NVL: variants seen among roughly 807,000 people sequenced by gnomAD.
The protein encoded by NVL is nuclear valosin-containing protein-like.
In NVL, 84 loss-of-function variants were observed where a neutral mutation model predicts 110.2. The ratio of observed to expected loss-of-function variants is 0.76; its 90% confidence interval spans 0.64 to 0.91. The LOEUF is 0.91. Among genes scored for constraint, NVL ranks in the 40% least tolerant of loss-of-function variants. The pLI is 0.00. For missense variants in NVL, 882 were observed against 1,035.9 expected (o/e 0.85, Z 2.04); for synonymous variants, 354 against 361.1 (o/e 0.98, Z 0.22).
chr1:224,312,387 T>G (rs557660494), intron 4 of NVL, among the ~76,000 whole-genome samples: 2 of 152,218 alleles, frequency 1.3e-5, no homozygotes, highest in Admixed American at 6.6e-5. Context: ...GCAAATAAAT[T>G]TCCTGTATCA....
At chr1:224,259,299 C>CAG (rs1663675271) in intron 18 of NVL, among the ~76,000 whole-genome samples, 1 of 152,098 alleles carries the variant, frequency 6.6e-6, no homozygotes, top group Non-Finnish European at 1.5e-5. Flanking sequence ...CTGTGTTGGC[C>CAG]AGGCTGGTCT....
At chr1:224,302,936 T>A in intron 9 of NVL, 3 of 317,154 alleles carry the variant, frequency 9.5e-6, no homozygotes, top group South Asian at 4.8e-5. Context: ...GTGTTTCCAG[T>A]TACTCGGGAG....
rs547412778 is a variant in NVL, at chr1:224,288,065, C to G, written c.1576-72G>C. The G allele has an allele frequency of 2.2e-5, 25 of 1,128,434 alleles. No homozygotes were observed. In the East Asian group the frequency reaches 5.9e-4, roughly 27 times the overall value. The allele number at this position is 1,128,434 out of a possible 1,614,324, so 69.9% of individuals were successfully genotyped here. ...AGCTATTGAAAAGTTACATTTTCTA[C>G]TTGTAAAAATTATTACTGTAATATT... is the stretch of plus-strand genomic sequence containing the variant. On this transcript the variant is annotated intron_variant, in intron 13 of 22. Transcript: ENST00000281701.
intron 15 of NVL, among the ~76,000 whole-genome samples, chr1:224,283,290 ATCCTGGCTAATG>A (rs1666553989): frequency 6.6e-6 from 1 of 152,126 alleles, no homozygotes; most frequent in Non-Finnish European, 1.5e-5. Context: ...GATCGAGACC[ATCCTGGCTAATG>A]CGGCAAAACC....
At chr1:224,268,389 A>T (rs1002489782) in intron 17 of NVL, among the ~76,000 whole-genome samples, 1 of 152,176 alleles carries the variant, frequency 6.6e-6, no homozygotes, top group African/African-American at 2.4e-5. Context: ...CACTAGATAA[A>T]GGAAGAAATG....
At chr1:224,281,018 C>G in intron 16 of NVL, 105 bp downstream of exon 16, 1 of 1,076,408 alleles carries the variant, frequency 9.3e-7, no homozygotes. Flanking sequence ...ATTTTAAATA[C>G]CAAAATACCA....
chr1:224,281,279 G>T, intron 15 of NVL, 94 bp from the exon 16 acceptor site: 1 of 800,970 alleles, frequency 1.2e-6, no homozygotes, highest in Non-Finnish European at 2.0e-6. Flanking sequence ...AAAGGACTCT[G>T]TGTGCGTGTG....
At chr1:224,284,816 A>G (rs1321787748) in intron 15 of NVL, among the ~76,000 whole-genome samples, 1 of 152,188 alleles carries the variant, frequency 6.6e-6, no homozygotes, top group Non-Finnish European at 1.5e-5. Flanking sequence ...CTCATACCCT[A>G]TTGATAAAAA....
At chr1:224,303,105 T>C (rs559666745) in intron 9 of NVL, 2 of 172,878 alleles carry the variant, frequency 1.2e-5, no homozygotes, top group African/African-American at 2.4e-5. Context: ...GTAACTAAAA[T>C]GTAAGCTATG....
intron 6 of NVL, among the ~76,000 whole-genome samples, chr1:224,305,976 G>T (rs1043820550): frequency 7.1e-6 from 1 of 140,610 alleles, no homozygotes; most frequent in African/African-American, 2.6e-5. Flanking sequence ...TGAGCTCCTT[G>T]ATTAAGGACA....
Position 224,268,150 on chromosome 1 carries a change from C to A in NVL, c.2083-17G>T. ...TGCCCCTGTCTAAAAAGACATAAAT[C>A]TGGTTCCATCAGCTCTCAATACAAA... On this transcript the variant is annotated splice_polypyrimidine_tract_variant and intron_variant, in intron 17 of 22. Coordinates refer to ENST00000281701, the MANE Select transcript of NVL (RefSeq NM_002533.4). 6.4e-7 allele frequency: 1 copy of A among 1,566,956 alleles called. No individual in the cohort carries two copies. The highest frequency in any genetic ancestry group is 8.8e-7 in the Non-Finnish European group (1 of 1,140,284).
chr1:224,306,564 C>T (rs76147279), intron 6 of NVL, among the ~76,000 whole-genome samples: 1 of 151,788 alleles, frequency 6.6e-6, no homozygotes, highest in African/African-American at 2.4e-5. Flanking sequence ...CTGCACCCGG[C>T]CAAAAAAAAT....
chr1:224,286,165 T>C lies in NVL; in HGVS notation c.1795-35A>G, dbSNP rs374925698. 11 of 1,486,710 alleles carry C rather than the reference T, an allele frequency of 7.4e-6. No homozygotes were observed. The African/African-American group carries it at 1.5e-4, about 21-fold the overall frequency. 92.1% of individuals were successfully genotyped at this position (1,486,710 alleles called of 1,614,324 possible). ...ATGATACAAACGGCGATCCATTACA[T>C]GTCCATTTTATACTGCAGGTTCAAA... On this transcript the variant is annotated intron_variant, in intron 14 of 22. Coordinates refer to ENST00000281701, the MANE Select transcript of NVL (RefSeq NM_002533.4).
chr1:224,302,364 C>A (rs1041188046), intron 9 of NVL, among the ~76,000 whole-genome samples: 3 of 152,090 alleles, frequency 2.0e-5, no homozygotes, highest in Admixed American at 2.0e-4. Context: ...CCACACCCGG[C>A]TAATTTTGTA....
rs1668739678 is a variant in NVL at position 224,304,633 on chromosome 1, CT to C, written c.825+102del. ...TGCCCTTCTCAACCTTCCCAGTTTCCTTTTCTACACCCAGATCATATTAGAA... is the reference window on the plus strand; with the variant it reads ...TGCCCTTCTCAACCTTCCCAGTTTCCTTTCTACACCCAGATCATATTAGAA... On this transcript the variant is annotated intron_variant, in intron 8 of 22. Transcript: ENST00000281701. The C allele has an allele frequency of 2.9e-6, 3 of 1,021,522 alleles. No individual in the cohort carries two copies. The South Asian group carries it at 4.5e-5, about 15-fold the overall frequency. The allele number at this position is 1,021,522 out of a possible 1,614,324, so 63.3% of individuals were successfully genotyped here.
At chr1:224,318,343 C>T (rs908310302) in intron 2 of NVL, among the ~76,000 whole-genome samples, 2 of 152,152 alleles carry the variant, frequency 1.3e-5, no homozygotes, top group South Asian at 2.1e-4. Context: ...TGGCTCATGC[C>T]TGTAATCCCA....
chr1:224,231,321 C>T (rs1659854079), intron 21 of NVL, 25 bp from the exon 22 acceptor site: 4 of 1,574,156 alleles, frequency 2.5e-6, no homozygotes, highest in East Asian at 4.5e-5. Flanking sequence ...CACAAATATA[C>T]ACATCTCAGT....
rs1233586590 is a variant in NVL, at chr1:224,296,503, T to A, written c.1178A>T (p.Asp393Val). ...RIVAQLLTCM[D>V]DLNNVAATAR... ...TGAATTTATTATTTTAAACTAACCATCCATGCAGGTTAGGAGTTGGGCTAC... is the reference window on the plus strand; with the variant it reads ...TGAATTTATTATTTTAAACTAACCAACCATGCAGGTTAGGAGTTGGGCTAC... Residue 393 changes from aspartate (D) to valine (V), a missense_variant and splice_region_variant, in exon 11 of 23, where the codon GAT becomes GTT. By Grantham distance (152) the Asp-to-Val change is radical. Transcript: ENST00000281701. 6.7e-7 allele frequency: 1 copy of A among 1,503,534 alleles called. No individual in the cohort carries two copies. Among genetic ancestry groups the A allele is most frequent in the East Asian group, 2.3e-5 (1 of 43,560 alleles). 93.1% of individuals were successfully genotyped at this position (1,503,534 alleles called of 1,614,324 possible). A position where few individuals can be genotyped will look rare whatever the true frequency, so the allele number is the denominator to read the frequency against.
At chr1:224,283,776 CAA>C (rs1666602335) in intron 15 of NVL, among the ~76,000 whole-genome samples, 1 of 152,092 alleles carries the variant, frequency 6.6e-6, no homozygotes, top group African/African-American at 2.4e-5. Flanking sequence ...TATATTTTTC[CAA>C]AACTATTGTG....
Sources: allele counts gnomAD v4.1 joint callset (sites outside exome capture counted in the v4.1 genomes callset), GRCh38; gene constraint gnomAD v4.1.1; transcripts MANE v1.5; gene names NCBI Gene and HGNC (gene_info 2026-07-23, HGNC 2026-07-21).